The following CNTN3 variants were observed in gnomAD, a reference collection of about 807,000 sequenced individuals.
CNTN3 encodes the protein contactin-3.
In CNTN3, 60 loss-of-function variants were observed where a neutral mutation model predicts 119.1. The ratio of observed to expected loss-of-function variants is 0.50; its 90% CI spans 0.41 to 0.62. CNTN3 has a LOEUF of 0.62. Ranked by LOEUF, CNTN3 falls within the 20% of genes least tolerant of loss-of-function variation. CNTN3 has a pLI of 0.00. For missense variants in CNTN3, 1,101 were observed against 1,242.4 expected (o/e 0.89, Z 1.71); for synonymous variants, 450 against 438.7 (o/e 1.03, Z -0.32).
chr3:74,533,353 T>C (rs1703719290), intron 1 of CNTN3, among the ~76,000 whole-genome samples: 1 of 151,928 alleles, frequency 6.6e-6, no homozygotes, highest in Admixed American at 6.6e-5. Context: ...CAGACACATT[T>C]AGGAGCACTA....
At position 74,448,149 on chromosome 3, in the gene CNTN3, G is replaced by A. The variant is rs148873879; in HGVS notation, c.359-23209C>T. On this transcript the variant is annotated intron_variant, in intron 4 of 22. Transcript: ENST00000263665. Reference sequence around the variant, plus strand: ...ATGATTCATGGATTTCCCATGGGTAGGGGAGCCCAGTGTCTAGTTGAGAGC... The same window carrying A: ...ATGATTCATGGATTTCCCATGGGTAAGGGAGCCCAGTGTCTAGTTGAGAGC... Among the ~76,000 whole-genome samples, 470 of 152,258 alleles carry A rather than the reference G, an allele frequency of 3.1e-3. 2 individuals carry two copies. The highest frequency in any genetic ancestry group is 0.011 in the African/African-American group (448 of 41,566).
intron 4 of CNTN3, among the ~76,000 whole-genome samples, chr3:74,444,311 T>C (rs970650680): frequency 6.6e-6 from 1 of 152,014 alleles, no homozygotes; most frequent in African/African-American, 2.4e-5. Context: ...ATTCAACTCA[T>C]AACAAGTGGT....
intron 1 of CNTN3, among the ~76,000 whole-genome samples, chr3:74,539,977 G>T (rs116302089): frequency 0.019 from 2,888 of 152,176 alleles, 113 homozygotes; most frequent in African/African-American, 0.067. Flanking sequence ...TGTATGACCC[G>T]CCATGAAGCA....
intron 1 of CNTN3, among the ~76,000 whole-genome samples, chr3:74,547,437 G>A (rs1199435905): frequency 6.6e-6 from 1 of 152,050 alleles, no homozygotes; most frequent in Non-Finnish European, 1.5e-5. Context: ...CAAAATATAT[G>A]TAATTTATAA....
intron 4 of CNTN3, among the ~76,000 whole-genome samples, chr3:74,450,296 T>C (rs1199265584): frequency 1.3e-5 from 2 of 151,974 alleles, no homozygotes; most frequent in African/African-American, 4.8e-5. Context: ...CTAAGAAAAA[T>C]GGTCTCAGAA....
At chr3:74,280,037 G>T (rs1489676027) in intron 20 of CNTN3, among the ~76,000 whole-genome samples, 2 of 151,968 alleles carry the variant, frequency 1.3e-5, no homozygotes, top group Non-Finnish European at 2.9e-5. Context: ...CAATTCAATG[G>T]CTAAATGTTT....
chr3:74,416,319 C>T (rs534407332), intron 5 of CNTN3, among the ~76,000 whole-genome samples: 1 of 152,206 alleles, frequency 6.6e-6, no homozygotes, highest in Admixed American at 6.5e-5. Context: ...AAACAATTCA[C>T]ATGGATTGCC....
chr3:74,375,003 T>A (rs1704444439), intron 5 of CNTN3, among the ~76,000 whole-genome samples: 1 of 152,154 alleles, frequency 6.6e-6, no homozygotes, highest in Admixed American at 6.6e-5. Context: ...AAAGCCATTT[T>A]AAAAAATGGT....
At chr3:74,315,400 C>T (rs1173822264) in intron 13 of CNTN3, among the ~76,000 whole-genome samples, 1 of 152,120 alleles carries the variant, frequency 6.6e-6, no homozygotes, top group Admixed American at 6.5e-5. Context: ...TGTGGACTCA[C>T]CCTAAATTCT....
intron 3 of CNTN3, among the ~76,000 whole-genome samples, chr3:74,489,437 T>G (rs911829415): frequency 2.1e-5 from 3 of 142,538 alleles, no homozygotes; most frequent in African/African-American, 7.4e-5. Flanking sequence ...CTTCTTTCTT[T>G]TCTTCCTTCC....
intron 11 of CNTN3, among the ~76,000 whole-genome samples, chr3:74,355,337 T>C (rs1016841314): frequency 1.3e-5 from 2 of 152,104 alleles, no homozygotes; most frequent in African/African-American, 4.8e-5. Context: ...CCCACTGTCA[T>C]TTCTTTAGTT....
At chr3:74,321,744 A>AT (rs1240777960) in intron 13 of CNTN3, among the ~76,000 whole-genome samples, 1 of 152,210 alleles carries the variant, frequency 6.6e-6, no homozygotes, top group Non-Finnish European at 1.5e-5. Context: ...TTAAAAGATA[A>AT]TAAAAAAATT....
At chr3:74,467,665 G>C (rs1339686735) in intron 4 of CNTN3, among the ~76,000 whole-genome samples, 1 of 152,106 alleles carries the variant, frequency 6.6e-6, no homozygotes, top group Non-Finnish European at 1.5e-5. Flanking sequence ...TTCAATTCTA[G>C]CCTTTCACAA....
rs139954784 is a variant in CNTN3 at position 74,473,621 on chromosome 3, G to A, written c.358+12835C>T. Among the ~76,000 whole-genome samples the A allele has an allele frequency of 3.0e-3, 460 of 152,300 alleles. 2 individuals carry two copies. Among genetic ancestry groups the A allele is most frequent in the African/African-American group, 0.011 (438 of 41,562 alleles). ...AGGAAAACTGCCAGTTTGTAGGAAT[G>A]TACCAGTGAACAACATAGTCTTTTA... On this transcript the variant is annotated intron_variant, in intron 4 of 22. Transcript: ENST00000263665.
chr3:74,584,496 G>A (rs1704562813), intron 1 of CNTN3, among the ~76,000 whole-genome samples: 1 of 151,990 alleles, frequency 6.6e-6, no homozygotes, highest in South Asian at 2.1e-4. Flanking sequence ...CTCACCATGT[G>A]ACGTCTGCTC....
chr3:74,369,271 T>C lies in CNTN3; in HGVS notation c.864A>G (p.Gln288=), dbSNP rs1228943293. ...ATTCATAGGAACCTGCATCTTCCTG[T>C]TGGAAGTTGGGGATTTCAAGCACAC... ...FSGVLEIPNF[Q]QEDAGSYECI... Residue 288 remains glutamine, a synonymous_variant, in exon 8 of 23, where the codon CAA becomes CAG. Coordinates refer to ENST00000263665, the MANE Select transcript of CNTN3 (RefSeq NM_020872.3). 6 of 1,611,590 alleles carry C rather than the reference T, an allele frequency of 3.7e-6. No homozygotes were observed. Among genetic ancestry groups the C allele is most frequent in the African/African-American group, 1.3e-5 (1 of 74,722 alleles).
intron 1 of CNTN3, among the ~76,000 whole-genome samples, chr3:74,525,339 T>A (rs1206356064): frequency 6.6e-6 from 1 of 151,928 alleles, no homozygotes; most frequent in East Asian, 1.9e-4. Context: ...TCAGGAAGTT[T>A]TTTTTAAATT....
chr3:74,474,898 T>C (rs1287810935), intron 4 of CNTN3, among the ~76,000 whole-genome samples: 1 of 152,116 alleles, frequency 6.6e-6, no homozygotes, highest in Non-Finnish European at 1.5e-5. Context: ...GTTCTCTTGC[T>C]CCTGCTCTGG....
At chr3:74,569,573 T>G (rs1179578582) in intron 1 of CNTN3, among the ~76,000 whole-genome samples, 1 of 152,178 alleles carries the variant, frequency 6.6e-6, no homozygotes, top group South Asian at 2.1e-4. Context: ...CACTGAATAA[T>G]AAAGAAAAGT....
Sources: allele counts gnomAD v4.1 joint callset (sites outside exome capture counted in the v4.1 genomes callset), GRCh38; gene constraint gnomAD v4.1.1; transcripts MANE v1.5; gene names NCBI Gene and HGNC (gene_info 2026-07-23, HGNC 2026-07-21).